ZNF385B: variants seen among roughly 807,000 people sequenced by gnomAD.
ZNF385B encodes zinc finger protein 533.
A neutral mutation model predicts 39.2 loss-of-function variants in ZNF385B; 23 were observed. The observed-to-expected ratio is 0.59, with a 90% confidence interval of 0.42 to 0.83. The LOEUF is 0.83. Among genes scored for constraint, ZNF385B ranks in the 40% least tolerant of loss-of-function variants. The pLI is 0.00. For synonymous variants in ZNF385B, 205 were observed against 222.6 expected, an observed-to-expected ratio of 0.92 and a Z score of 0.70; for missense variants, 552 against 598.9, an observed-to-expected ratio of 0.92 and a Z score of 0.82.
At chr2:179,546,726 T>A (rs1374894742) in intron 3 of ZNF385B, among the ~76,000 whole-genome samples, 1 of 132,674 alleles carries the variant, frequency 7.5e-6, no homozygotes, top group Non-Finnish European at 1.6e-5. Flanking sequence ...TTTCTTTCTT[T>A]GGGGTATATA....
intron 3 of ZNF385B, among the ~76,000 whole-genome samples, chr2:179,638,599 C>A (rs1387806028): frequency 1.3e-5 from 2 of 152,058 alleles, no homozygotes; most frequent in Non-Finnish European, 2.9e-5. Context: ...CAACACTATA[C>A]CATATGGCTA....
intron 3 of ZNF385B, among the ~76,000 whole-genome samples, chr2:179,722,039 C>A (rs1249505912): frequency 6.6e-6 from 1 of 151,936 alleles, no homozygotes; most frequent in African/African-American, 2.4e-5. Context: ...TAAACAAAGT[C>A]AATTGCCTCT....
chr2:179,509,399 T>G (rs2057494633), intron 5 of ZNF385B, among the ~76,000 whole-genome samples: 2 of 152,202 alleles, frequency 1.3e-5, no homozygotes, highest in South Asian at 2.1e-4. Flanking sequence ...AAAAGATGAC[T>G]GAACTTTGTT....
At chr2:179,451,597 T>C (rs1366046788) in intron 6 of ZNF385B, among the ~76,000 whole-genome samples, 1 of 152,142 alleles carries the variant, frequency 6.6e-6, no homozygotes, top group Non-Finnish European at 1.5e-5. Context: ...AGAGTCTTAA[T>C]CTTTGAGAAT....
At chr2:179,679,637 GTTA>G (rs889589147) in intron 3 of ZNF385B, among the ~76,000 whole-genome samples, 9 of 140,184 alleles carry the variant, frequency 6.4e-5, no homozygotes, top group African/African-American at 1.6e-4. Flanking sequence ...TGTTGTTGTT[GTTA>G]TTATAGCAAA....
intron 3 of ZNF385B, among the ~76,000 whole-genome samples, chr2:179,655,049 T>C (rs1575101882): frequency 6.6e-6 from 1 of 152,336 alleles, no homozygotes; most frequent in East Asian, 1.9e-4. Flanking sequence ...TGGAAAACTC[T>C]GCCGTTTCAA....
intron 5 of ZNF385B, among the ~76,000 whole-genome samples, chr2:179,513,772 A>G (rs1057416037): frequency 6.6e-6 from 1 of 152,246 alleles, no homozygotes; most frequent in African/African-American, 2.4e-5. Context: ...CACATTGTAG[A>G]GATTAGCAAA....
intron 3 of ZNF385B, among the ~76,000 whole-genome samples, chr2:179,663,507 GAGACC>G (rs1318578201): frequency 6.6e-6 from 1 of 151,952 alleles, no homozygotes; most frequent in African/African-American, 2.4e-5. Context: ...TCAGGAGATC[GAGACC>G]ATCCTGGCTA....
intron 1 of ZNF385B, among the ~76,000 whole-genome samples, chr2:179,840,428 A>G (rs1287363049): frequency 6.6e-6 from 1 of 152,202 alleles, no homozygotes; most frequent in Non-Finnish European, 1.5e-5. Flanking sequence ...CAACGTCATG[A>G]TTATGTCTTT....
At position 179,445,669 on chromosome 2, in the gene ZNF385B, G is replaced by T; in HGVS notation, c.1021C>A (p.Pro341Thr). 1 of 1,613,972 alleles carries T rather than the reference G, an allele frequency of 6.2e-7. No individual in the cohort carries two copies. The highest frequency in any genetic ancestry group is 8.5e-7 in the Non-Finnish European group (1 of 1,179,952). The change falls in exon 8 of 10, where the codon CCT becomes ACT. Residue 341 changes from proline to threonine, a missense_variant. Physicochemically the swap from Pro to Thr is conservative, Grantham distance 38. Transcript: ENST00000410066. ...ATCTTTAATCTTGATCCAGGTCTAG[G>T]ATAGGATTTAATTGGACCAGCCCCA... The part of the protein sequence containing the change: ...RNGAGPIKSY[P>T]RPGSRLKMQN...
intron 1 of ZNF385B, among the ~76,000 whole-genome samples, chr2:179,852,283 C>T (rs1160798936): frequency 6.6e-6 from 1 of 152,172 alleles, no homozygotes; most frequent in East Asian, 1.9e-4. Context: ...GAAAAAGCAG[C>T]CTGCAGACTT....
chr2:179,550,329 T>C (rs752909067), intron 3 of ZNF385B, among the ~76,000 whole-genome samples: 10 of 149,072 alleles, frequency 6.7e-5, no homozygotes, highest in Non-Finnish European at 1.0e-4. Flanking sequence ...CTGGTGAGAG[T>C]CACTTTGTAA....
rs1685030567 is a variant in ZNF385B at position 179,861,092 on chromosome 2, A to C, written c.-155+9T>G. ...GGGCGCCGGTCTGGGCTGGGCGCCC[A>C]GAGCTTACCTCGGCGCGCGGGCCGC... On this transcript the variant is annotated intron_variant, in intron 1 of 9. Transcript: ENST00000410066. 1 of 158,860 alleles carries C rather than the reference A, an allele frequency of 6.3e-6. No individual in the cohort carries two copies. The highest frequency in any genetic ancestry group is 1.5e-5 in the Non-Finnish European group (1 of 68,212). 9.8% of individuals were successfully genotyped at this position (158,860 alleles called of 1,614,324 possible).
chr2:179,758,096 C>A lies in ZNF385B; in HGVS notation c.298+11407G>T, dbSNP rs529615302. ...AGTGGAGCTGTTCCTATTTGGCCAT[C>A]TTGCTAGTTTAAAATTTCTAAGGCC... is the stretch of plus-strand genomic sequence containing the variant. On this transcript the variant is annotated intron_variant, in intron 3 of 9. Coordinates refer to ENST00000410066, the MANE Select transcript of ZNF385B (RefSeq NM_152520.6). 7.2e-5 allele frequency among the ~76,000 whole-genome samples: 11 copies of A among 152,252 alleles called. No individual in the cohort carries two copies. The East Asian group carries it at 1.9e-3, about 27-fold the overall frequency.
At chr2:179,781,307 T>C (rs866924982) in intron 1 of ZNF385B, among the ~76,000 whole-genome samples, 1 of 152,022 alleles carries the variant, frequency 6.6e-6, no homozygotes, top group Admixed American at 6.6e-5. Context: ...ACCTGACCAA[T>C]GGAACAGAAG....
intron 1 of ZNF385B, among the ~76,000 whole-genome samples, chr2:179,859,052 T>C (rs960967890): frequency 2.0e-5 from 3 of 151,704 alleles, no homozygotes; most frequent in Non-Finnish European, 4.4e-5. Flanking sequence ...TTTTGAAAGA[T>C]TTTTTTTTCT....
chr2:179,741,407 G>A (rs1285646946), intron 3 of ZNF385B, among the ~76,000 whole-genome samples: 1 of 152,086 alleles, frequency 6.6e-6, no homozygotes, highest in African/African-American at 2.4e-5. Context: ...AGTGAGAAAA[G>A]AGAAGAAAGG....
chr2:179,565,578 G>C (rs551286055), intron 3 of ZNF385B, among the ~76,000 whole-genome samples: 2 of 152,252 alleles, frequency 1.3e-5, no homozygotes, highest in African/African-American at 4.8e-5. Flanking sequence ...TTTTGTCTCT[G>C]GCCCCTTAGG....
intron 3 of ZNF385B, among the ~76,000 whole-genome samples, chr2:179,670,160 C>T (rs1003533005): frequency 2.6e-5 from 4 of 151,972 alleles, no homozygotes; most frequent in African/African-American, 4.8e-5. Context: ...GGCGTGATGG[C>T]GGGCGCCTGT....
Sources: allele counts gnomAD v4.1 joint callset (sites outside exome capture counted in the v4.1 genomes callset), GRCh38; gene constraint gnomAD v4.1.1; transcripts MANE v1.5; gene names NCBI Gene and HGNC (gene_info 2026-07-23, HGNC 2026-07-21).